Variants in NELL1 observed in about 807,000 individuals in gnomAD.
NELL1 encodes protein kinase C-binding protein NELL1.
NELL1 carries 76 observed loss-of-function variants against 107.4 expected under a neutral mutation model. That is an observed-to-expected ratio of 0.71 (90% CI 0.59 to 0.86). The LOEUF is 0.86. NELL1 is among the 40% of genes least tolerant of loss of function. The pLI is 0.00. For missense variants in NELL1, 1,024 were observed against 1,005.5 expected (o/e 1.02, Z -0.25); for synonymous variants, 353 against 341.2 (o/e 1.03, Z -0.38).
chr11:20,721,979 G>T (rs1433831473), intron 2 of NELL1, among the ~76,000 whole-genome samples: 2 of 151,438 alleles, frequency 1.3e-5, no homozygotes, highest in African/African-American at 2.4e-5. Context: ...CTTAGTAGCT[G>T]TGTAAATTTT....
At chr11:21,246,513 G>A (rs1858495854) in intron 14 of NELL1, among the ~76,000 whole-genome samples, 1 of 152,114 alleles carries the variant, frequency 6.6e-6, no homozygotes, top group African/African-American at 2.4e-5. Context: ...AGGCGATTTT[G>A]TTGTTATATG....
intron 13 of NELL1, among the ~76,000 whole-genome samples, chr11:21,210,666 A>G (rs968207709): frequency 6.6e-6 from 1 of 152,162 alleles, no homozygotes; most frequent in Non-Finnish European, 1.5e-5. Flanking sequence ...GTTTTCTCTT[A>G]CTGTGTGTCT....
chr11:21,147,836 C>CAAAAAAAAA (rs35688285), intron 13 of NELL1, among the ~76,000 whole-genome samples: 143 of 28,828 alleles, frequency 5.0e-3, no homozygotes, highest in South Asian at 9.4e-3. Context: ...AACTCCGTCT[C>CAAAAAAAAA]AAAAAAAAAA....
At chr11:21,078,614 A>G (rs1854195916) in intron 12 of NELL1, among the ~76,000 whole-genome samples, 1 of 152,150 alleles carries the variant, frequency 6.6e-6, no homozygotes, top group African/African-American at 2.4e-5. Flanking sequence ...ACAACTATCT[A>G]TATGTCTCTA....
intron 13 of NELL1, among the ~76,000 whole-genome samples, chr11:21,130,079 T>A (rs768326221): frequency 8.5e-5 from 13 of 152,194 alleles, no homozygotes; most frequent in African/African-American, 1.4e-4. Flanking sequence ...TTTCAGATAA[T>A]GTCAGGCATC....
At chr11:21,055,214 C>T (rs1853584781) in intron 12 of NELL1, among the ~76,000 whole-genome samples, 1 of 151,892 alleles carries the variant, frequency 6.6e-6, no homozygotes, top group Non-Finnish European at 1.5e-5. Context: ...GTTTTTGTAG[C>T]ATTATGCTGT....
intron 12 of NELL1, among the ~76,000 whole-genome samples, chr11:20,988,488 CAT>C (rs985462830): frequency 3.0e-5 from 4 of 133,158 alleles, no homozygotes; most frequent in Non-Finnish European, 4.9e-5. Flanking sequence ...TATATATACA[CAT>C]GTACATATAT....
intron 12 of NELL1, among the ~76,000 whole-genome samples, chr11:20,999,700 A>G (rs577915805): frequency 8.8e-5 from 13 of 147,950 alleles, no homozygotes; most frequent in African/African-American, 3.4e-4. Context: ...AGTTCATTAT[A>G]TAAAACCTTT....
intron 4 of NELL1, among the ~76,000 whole-genome samples, chr11:20,873,425 T>G (rs1416122112): frequency 6.6e-6 from 1 of 152,242 alleles, no homozygotes; most frequent in Non-Finnish European, 1.5e-5. Flanking sequence ...TGAAAATATT[T>G]CAAACTAAAA....
At chr11:21,356,041 T>C (rs931378920) in intron 14 of NELL1, among the ~76,000 whole-genome samples, 8 of 152,182 alleles carry the variant, frequency 5.3e-5, no homozygotes, top group Non-Finnish European at 7.4e-5. Flanking sequence ...ACCCGTTATA[T>C]GTCACCCTAT....
At chr11:21,369,267 A>C (rs576783603) in intron 14 of NELL1, among the ~76,000 whole-genome samples, 1 of 152,088 alleles carries the variant, frequency 6.6e-6, no homozygotes, top group Non-Finnish European at 1.5e-5. Flanking sequence ...ACAGCCCACA[A>C]GGTATAATTT....
chr11:20,682,108 G>T (rs950392550), intron 2 of NELL1, among the ~76,000 whole-genome samples: 26 of 151,664 alleles, frequency 1.7e-4, no homozygotes, highest in African/African-American at 6.3e-4. Flanking sequence ...TATCTTTTGG[G>T]GCCCATTATT....
intron 4 of NELL1, among the ~76,000 whole-genome samples, chr11:20,851,987 A>G (rs889398642): frequency 4.6e-5 from 7 of 152,202 alleles, no homozygotes; most frequent in Non-Finnish European, 7.4e-5. Context: ...CTGAAGTGAC[A>G]GTGGAGCTGA....
intron 15 of NELL1, among the ~76,000 whole-genome samples, chr11:21,488,507 A>G (rs1854704976): frequency 6.6e-6 from 1 of 152,042 alleles, no homozygotes; most frequent in Admixed American, 6.6e-5. Flanking sequence ...GGGTATGGTT[A>G]CTAGTGGAGG....
chr11:20,797,571 A>T (rs1362956538), intron 3 of NELL1, among the ~76,000 whole-genome samples: 1 of 150,816 alleles, frequency 6.6e-6, no homozygotes, highest in African/African-American at 2.4e-5. Flanking sequence ...ATCTCAAAAA[A>T]AAAAAAAAAA....
chr11:21,165,031 G>A (rs1229790234), intron 13 of NELL1, among the ~76,000 whole-genome samples: 1 of 151,996 alleles, frequency 6.6e-6, no homozygotes. Context: ...TTGATTGACA[G>A]CATTTTGTAG....
chr11:21,165,467 A>T (rs35773691), intron 13 of NELL1, among the ~76,000 whole-genome samples: 5,649 of 152,238 alleles, frequency 0.037, 144 homozygotes, highest in Middle Eastern at 0.082. Flanking sequence ...CTTTTCAATA[A>T]ATGAACTCTT....
intron 10 of NELL1, among the ~76,000 whole-genome samples, chr11:20,946,817 A>T (rs1447612750): frequency 6.6e-6 from 1 of 152,154 alleles, no homozygotes; most frequent in Non-Finnish European, 1.5e-5. Context: ...TCCTCCCTCC[A>T]TCCAAACTGA....
chr11:20,733,241 A>G (rs1278980707), intron 2 of NELL1, among the ~76,000 whole-genome samples: 1 of 152,192 alleles, frequency 6.6e-6, no homozygotes, highest in Non-Finnish European at 1.5e-5. Flanking sequence ...AGAGCACTGT[A>G]TCTTCTAACA....
Sources: gnomAD v4.1 joint callset for allele counts (sites outside exome capture counted in the v4.1 genomes callset) on GRCh38, gnomAD v4.1.1 for gene constraint, MANE v1.5 for transcripts, NCBI Gene and HGNC (gene_info 2026-07-23, HGNC 2026-07-21) for gene names.